LPP: variants seen among roughly 807,000 people sequenced by gnomAD.
LPP encodes the protein LIM domain containing preferred translocation partner in lipoma, also known as lipoma-preferred partner.
In LPP, 38 loss-of-function variants were observed where a neutral mutation model predicts 60.4. The ratio of observed to expected loss-of-function variants is 0.63; its 90% CI spans 0.49 to 0.83. LPP has a LOEUF of 0.83. LPP is among the 40% of genes least tolerant of loss of function. The probability of loss-of-function intolerance (pLI) is 0.00; values close to 1 mark genes in which losing one functional copy is unlikely to be tolerated. For synonymous variants in LPP, 328 were observed against 290.8 expected, an observed-to-expected ratio of 1.13 and a Z score of -1.30; for missense variants, 902 against 783.6, an observed-to-expected ratio of 1.15 and a Z score of -1.80.
chr3:188,335,463 A>G (rs1009399712), intron 2 of LPP, among the ~76,000 whole-genome samples: 3 of 152,312 alleles, frequency 2.0e-5, no homozygotes, highest in East Asian at 3.9e-4. Context: ...TTTTGCATCT[A>G]TGTTCATCAG....
At chr3:188,760,440 G>GTGTGTGTGTGCGCA (rs1553836338) in intron 9 of LPP, among the ~76,000 whole-genome samples, 158 bp downstream of exon 9, 2 of 145,242 alleles carry the variant, frequency 1.4e-5, no homozygotes, top group Non-Finnish European at 3.0e-5. Flanking sequence ...GTGTGTGCGT[G>GTGTGTGTGTGCGCA]CGCGCATGTA....
Position 188,182,760 on chromosome 3 carries a change from ATAT to A in LPP, c.-190+28512_-190+28514del, listed in dbSNP as rs1725425434. On this transcript the variant is annotated intron_variant, in intron 1 of 11. Transcript: ENST00000617246. The surrounding 1 kb of genome is among the most constrained non-coding windows in gnomAD (Gnocchi z 4.4). The stretch of plus-strand genomic sequence containing the variant: ...ATAATATATATACATATATGTACAT[ATAT>A]TATATATGTGCATATATAATATATG... 7.1e-6 allele frequency among the ~76,000 whole-genome samples: 1 copy of A among 141,226 alleles called. No individual in the cohort carries two copies. The highest frequency in any genetic ancestry group is 1.5e-5 in the Non-Finnish European group (1 of 65,232). 92.6% of individuals were successfully genotyped at this position (141,226 alleles called of 152,430 possible). A position where few individuals can be genotyped will look rare whatever the true frequency, so the allele number is the denominator to read the frequency against.
At chr3:188,279,012 T>C (rs1741000715) in intron 2 of LPP, among the ~76,000 whole-genome samples, 1 of 152,228 alleles carries the variant, frequency 6.6e-6, no homozygotes, top group Non-Finnish European at 1.5e-5. Context: ...TATTCAGGCT[T>C]CTGAGAATGT....
chr3:188,642,858 C>A (rs1850421878), intron 7 of LPP, among the ~76,000 whole-genome samples: 1 of 152,096 alleles, frequency 6.6e-6, no homozygotes, highest in African/African-American at 2.4e-5. Context: ...ATTGCTTGAA[C>A]CCGGGATGCA....
intron 8 of LPP, among the ~76,000 whole-genome samples, chr3:188,714,171 T>C (rs898391965): frequency 3.3e-5 from 5 of 152,190 alleles, no homozygotes; most frequent in African/African-American, 1.2e-4. Flanking sequence ...TCTGATCTCA[T>C]GTCTATCATA....
chr3:188,846,128 G>T lies in LPP; in HGVS notation c.1411-20072G>T, dbSNP rs182431293. ...GGATGCAAAAGATGAGTCCGTGCTG[G>T]TCCCATTTCAAAGAACTCAAAATAT... On this transcript the variant is annotated intron_variant, in intron 9 of 11. Transcript: ENST00000617246. Among the ~76,000 whole-genome samples, 145 of 152,310 alleles carry T rather than the reference G, an allele frequency of 9.5e-4. 4 individuals are homozygous for T. The highest frequency in any genetic ancestry group is 3.4e-3 in the Middle Eastern group (1 of 294).
At chr3:188,389,826 A>G (rs1195166180) in intron 3 of LPP, among the ~76,000 whole-genome samples, 1 of 150,882 alleles carries the variant, frequency 6.6e-6, no homozygotes. Context: ...AAAAGAAAAG[A>G]AAAAAAGAAA....
chr3:188,297,471 A>T (rs1748317343), intron 2 of LPP, among the ~76,000 whole-genome samples: 2 of 152,236 alleles, frequency 1.3e-5, no homozygotes, highest in Non-Finnish European at 2.9e-5. Context: ...AATAAAGCAG[A>T]AAAGATTCTT....
chr3:188,342,800 C>CAT (rs1411903322), intron 3 of LPP, among the ~76,000 whole-genome samples: 2 of 151,950 alleles, frequency 1.3e-5, no homozygotes, highest in South Asian at 2.1e-4. Flanking sequence ...AAGCTAATAT[C>CAT]ATATATATAT....
chr3:188,384,305 T>A lies in LPP; in HGVS notation c.-9-21807T>A, dbSNP rs1486480597. Among the ~76,000 whole-genome samples, 4 of 143,936 alleles carry A rather than the reference T, an allele frequency of 2.8e-5. No homozygotes were observed. In the Admixed American group the frequency reaches 2.9e-4, roughly 10 times the overall value. The allele number at this position is 143,936 out of a possible 152,430, so 94.4% of individuals were successfully genotyped here. ...TTTTTTCCAAGTCTGTTTGCCTTTT[T>A]AGTTATGGTAGTGTATGTATGTGCA... is the stretch of plus-strand genomic sequence containing the variant. On this transcript the variant is annotated intron_variant, in intron 3 of 11. Coordinates refer to ENST00000617246, the MANE Select transcript of LPP (RefSeq NM_001375462.1).
At chr3:188,749,628 A>G (rs996206990) in intron 8 of LPP, among the ~76,000 whole-genome samples, 1 of 152,004 alleles carries the variant, frequency 6.6e-6, no homozygotes, top group African/African-American at 2.4e-5. Context: ...CTGAGTTGCA[A>G]CTCTGCTACC....
chr3:188,248,268 G>GT (rs1280876627), intron 2 of LPP, among the ~76,000 whole-genome samples: 4 of 151,480 alleles, frequency 2.6e-5, no homozygotes, highest in South Asian at 2.1e-4. Flanking sequence ...AAGGGTTAGC[G>GT]TTTTTTTGCA....
intron 8 of LPP, among the ~76,000 whole-genome samples, chr3:188,719,991 C>T (rs1165598784): frequency 6.6e-6 from 1 of 152,196 alleles, no homozygotes; most frequent in Non-Finnish European, 1.5e-5. Flanking sequence ...TGGCTCACTG[C>T]AACCTCCACC....
intron 5 of LPP, 24 bp from the exon 6 acceptor site, chr3:188,524,641 A>G (rs79778630): frequency 1.3e-6 from 2 of 1,596,936 alleles, no homozygotes; most frequent in South Asian, 1.1e-5. Context: ...TCCTTTGTTA[A>G]CATGTCTGTG....
chr3:188,223,484 T>C (rs1354093600), intron 1 of LPP, among the ~76,000 whole-genome samples: 1 of 152,228 alleles, frequency 6.6e-6, no homozygotes, highest in Non-Finnish European at 1.5e-5. Context: ...GGAACTTCAA[T>C]CATTTCACAG....
At position 188,882,987 on chromosome 3, in the gene LPP, C is replaced by G; in HGVS notation, c.*8508C>G. The G allele has an allele frequency of 5.2e-6, 1 of 191,464 alleles. No homozygotes were observed. Among genetic ancestry groups the G allele is most frequent in the Non-Finnish European group, 1.1e-5 (1 of 91,400 alleles). 11.9% of individuals were successfully genotyped at this position (191,464 alleles called of 1,614,324 possible). ...TCGTGATCCGCCCGCCTCGGCCTCC[C>G]AAAGTGCCAATTCTGACTCTACTTA... On this transcript the variant is annotated 3_prime_UTR_variant, in exon 12 of 12. Transcript: ENST00000617246.
chr3:188,407,773 T>TTG (rs72507308), intron 4 of LPP, among the ~76,000 whole-genome samples: 595 of 22,652 alleles, frequency 0.026, 20 homozygotes, highest in East Asian at 0.18. Context: ...TTATGGTTTT[T>TTG]TTTTTTGTTT....
intron 9 of LPP, among the ~76,000 whole-genome samples, chr3:188,793,464 G>A (rs894048971): frequency 1.3e-5 from 2 of 152,086 alleles, no homozygotes; most frequent in African/African-American, 4.8e-5. Flanking sequence ...TTACAAGCAT[G>A]AGCCACCATG....
intron 2 of LPP, among the ~76,000 whole-genome samples, chr3:188,240,513 T>C (rs533118634): frequency 2.0e-5 from 3 of 152,298 alleles, no homozygotes; most frequent in African/African-American, 7.2e-5. Flanking sequence ...ATTTGACTGC[T>C]TTATTTTGTA....
Sources: allele counts gnomAD v4.1 joint callset (sites outside exome capture counted in the v4.1 genomes callset), GRCh38; gene constraint gnomAD v4.1.1; non-coding constraint Gnocchi (gnomAD v3.1); transcripts MANE v1.5; gene names NCBI Gene and HGNC (gene_info 2026-07-23, HGNC 2026-07-21).